FBXO31: variants seen among roughly 807,000 people sequenced by gnomAD.
FBXO31 encodes the protein F-box protein 31, also known as F-box only protein 31.
In FBXO31, 24 loss-of-function variants were observed where a neutral mutation model predicts 54.4. That is an observed-to-expected ratio of 0.44 (90% CI 0.32 to 0.62). The LOEUF is 0.62. FBXO31 is among the 20% of genes least tolerant of loss of function. FBXO31 has a pLI of 0.05. For missense variants in FBXO31, 665 were observed against 787.1 expected (o/e 0.84, Z 1.86); for synonymous variants, 388 against 335.6 (o/e 1.16, Z -1.71).
intron 1 of FBXO31, among the ~76,000 whole-genome samples, chr16:87,364,366 C>T (rs1448706024): frequency 1.3e-5 from 2 of 152,222 alleles, no homozygotes; most frequent in Non-Finnish European, 1.5e-5. Flanking sequence ...CTCTAGTGAG[C>T]GCTGCAGCAG....
chr16:87,375,910 G>A (rs141801331), intron 1 of FBXO31, among the ~76,000 whole-genome samples: 5 of 152,240 alleles, frequency 3.3e-5, no homozygotes, highest in African/African-American at 1.2e-4. Context: ...TGCCCCTGCC[G>A]CCACCCTCAG....
intron 2 of FBXO31, among the ~76,000 whole-genome samples, chr16:87,353,094 T>C (rs1011882242): frequency 2.0e-5 from 3 of 152,190 alleles, no homozygotes; most frequent in African/African-American, 7.2e-5. Flanking sequence ...AGCCGAGGCG[T>C]GGCCAGGGCT....
intron 1 of FBXO31, among the ~76,000 whole-genome samples, chr16:87,375,014 C>A (rs1906760585): frequency 6.6e-6 from 1 of 152,130 alleles, no homozygotes. Flanking sequence ...GAAACCCTGG[C>A]TCTACAAAAA....
intron 1 of FBXO31, among the ~76,000 whole-genome samples, chr16:87,380,449 T>A (rs1907028106): frequency 6.6e-6 from 1 of 152,166 alleles, no homozygotes; most frequent in African/African-American, 2.4e-5. Context: ...TCACCCGGAC[T>A]GGAGTGCAGT....
intron 1 of FBXO31, among the ~76,000 whole-genome samples, chr16:87,370,357 G>T (rs1008359316): frequency 1.1e-4 from 17 of 152,244 alleles, no homozygotes; most frequent in African/African-American, 3.1e-4. Context: ...GGGGACTGCA[G>T]TAAGAAGGCA....
chr16:87,354,697 C>T (rs961967024), intron 2 of FBXO31, among the ~76,000 whole-genome samples: 3 of 151,926 alleles, frequency 2.0e-5, no homozygotes, highest in Non-Finnish European at 4.4e-5. Flanking sequence ...GCCGGGCACA[C>T]TGGCTCACAC....
At chr16:87,357,207 T>C (rs1447287681) in intron 2 of FBXO31, among the ~76,000 whole-genome samples, 1 of 151,408 alleles carries the variant, frequency 6.6e-6, no homozygotes, top group Non-Finnish European at 1.5e-5. Flanking sequence ...ATTGTGCCAC[T>C]GCACTCCAAC....
chr16:87,337,335 C>G (rs1312199200), intron 5 of FBXO31, among the ~76,000 whole-genome samples: 3 of 152,230 alleles, frequency 2.0e-5, no homozygotes, highest in Non-Finnish European at 4.4e-5. Flanking sequence ...TGGGACCCAT[C>G]TTGGCCTCAT....
chr16:87,383,083 C>A lies in FBXO31; in HGVS notation c.340+322G>T, dbSNP rs1236981263. On this transcript the variant is annotated intron_variant, in intron 1 of 8. Transcript: ENST00000311635. The surrounding 1 kb of genome is among the most constrained non-coding windows in gnomAD (Gnocchi z 4.9). ...GAGGGATCCCAGCCCCAGCTCCCGG[C>A]ACGGCCTCGGCCCCGTGGTGTCCCG... Among the ~76,000 whole-genome samples, 5 of 152,126 alleles carry A rather than the reference C, an allele frequency of 3.3e-5. No individual in the cohort carries two copies. The highest frequency in any genetic ancestry group is 6.5e-5 in the Admixed American group (1 of 15,280).
At chr16:87,382,194 C>G (rs138145155) in intron 1 of FBXO31, among the ~76,000 whole-genome samples, 6 of 152,320 alleles carry the variant, frequency 3.9e-5, no homozygotes, top group African/African-American at 1.4e-4. Flanking sequence ...CGAGTCTGTG[C>G]TACATGCAGG....
chr16:87,363,544 A>G (rs187150277), intron 1 of FBXO31, among the ~76,000 whole-genome samples: 3 of 152,368 alleles, frequency 2.0e-5, no homozygotes, highest in Admixed American at 2.0e-4. Context: ...TGATAGAATA[A>G]TAATGAAGAA....
intron 5 of FBXO31, among the ~76,000 whole-genome samples, chr16:87,337,854 G>T (rs1406590265): frequency 6.6e-6 from 1 of 151,656 alleles, no homozygotes; most frequent in Non-Finnish European, 1.5e-5. Context: ...GCCTATCTTT[G>T]CAAACTGAGT....
rs1003317668 is a variant in FBXO31 at position 87,330,883 on chromosome 16, G to A, written c.*405C>T. 2.5e-5 allele frequency: 5 copies of A among 204,062 alleles called. No homozygotes were observed. The highest frequency in any genetic ancestry group is 7.0e-5 in the African/African-American group (3 of 43,094). 12.6% of individuals were successfully genotyped at this position (204,062 alleles called of 1,614,324 possible). A position where few individuals can be genotyped will look rare whatever the true frequency, so the allele number is the denominator to read the frequency against. ...AAAAGGAGTGGGGTGGAGCACATGC[G>A]TCTCACACACGACCCAGTCTATCAC... On this transcript the variant is annotated 3_prime_UTR_variant, in exon 9 of 9. Coordinates refer to ENST00000311635, the MANE Select transcript of FBXO31 (RefSeq NM_024735.5).
chr16:87,383,729 G>T lies in FBXO31; in HGVS notation c.16C>A (p.Arg6Ser). ...CGCGACGGGCCCACGCCGCAAAGGC[G>T]AGCACACACCGCCATGCCGCCCAGT... is the stretch of plus-strand genomic sequence containing the variant. MAVCARLCGVGPSRGC... is the reference protein window; with the variant it reads MAVCASLCGVGPSRGC... The change falls in exon 1 of 9, where the codon CGC becomes AGC. Residue 6 changes from arginine (R) to serine (S), a missense_variant. Coordinates refer to ENST00000311635, the MANE Select transcript of FBXO31 (RefSeq NM_024735.5). The surrounding 1 kb of genome is among the most constrained non-coding windows in gnomAD (Gnocchi z 4.9). 1.6e-6 allele frequency: 2 copies of T among 1,231,878 alleles called. No individual in the cohort carries two copies. Among genetic ancestry groups the T allele is most frequent in the South Asian group, 3.3e-5 (1 of 30,044 alleles). 76.3% of individuals were successfully genotyped at this position (1,231,878 alleles called of 1,614,324 possible). A position where few individuals can be genotyped will look rare whatever the true frequency, so the allele number is the denominator to read the frequency against.
chr16:87,340,842 A>G (rs1905171159), intron 5 of FBXO31, among the ~76,000 whole-genome samples: 1 of 152,180 alleles, frequency 6.6e-6, no homozygotes, highest in Non-Finnish European at 1.5e-5. Flanking sequence ...AAAACACACC[A>G]TAAGAGAAAT....
rs567378936 is a variant in FBXO31 at position 87,382,850 on chromosome 16, G to C, written c.340+555C>G. The stretch of plus-strand genomic sequence containing the variant: ...GGGGTTTTACCATCTTCACCAGGCT[G>C]GTCTCGAACTCCTGACCTCAGGTGA... On this transcript the variant is annotated intron_variant, in intron 1 of 8. Coordinates refer to ENST00000311635, the MANE Select transcript of FBXO31 (RefSeq NM_024735.5). Among the ~76,000 whole-genome samples the C allele has an allele frequency of 1.5e-3, 234 of 152,238 alleles. 1 individual carries two copies. The highest frequency in any genetic ancestry group is 2.2e-3 in the Non-Finnish European group (147 of 68,018).
chr16:87,372,577 T>C (rs1015126533), intron 1 of FBXO31, among the ~76,000 whole-genome samples: 1 of 152,068 alleles, frequency 6.6e-6, no homozygotes. Flanking sequence ...TTTGTTTTTT[T>C]AGAGGTAGAG....
At chr16:87,373,459 AT>A (rs1256146580) in intron 1 of FBXO31, among the ~76,000 whole-genome samples, 7 of 152,130 alleles carry the variant, frequency 4.6e-5, no homozygotes, top group South Asian at 2.1e-4. Flanking sequence ...CTCAAAAAAA[AT>A]AATTATATAT....
In FBXO31 at chr16:87,334,005, C is replaced by G; in HGVS notation, c.1278G>C (p.Glu426Asp). The G allele has an allele frequency of 6.2e-7, 1 of 1,612,824 alleles. No individual in the cohort carries two copies. Reference protein sequence around the residue: ...PDGTPGEDGGEPGDAVAAAEQ... With the variant: ...PDGTPGEDGGDPGDAVAAAEQ... ...CGGCCGCAGCTACGGCATCCCCAGGCTCGCCACCATCCTCACCAGGTGTCC... is the reference window on the plus strand; with the variant it reads ...CGGCCGCAGCTACGGCATCCCCAGGGTCGCCACCATCCTCACCAGGTGTCC... The change falls in exon 8 of 9, where the codon GAG becomes GAC. Residue 426 changes from glutamate to aspartate, a missense_variant. Around this residue, in one of 4 missense-constraint regions of FBXO31, gnomAD observed 165 missense variants for 159.7 expected, o/e 1.03. Coordinates refer to ENST00000311635, the MANE Select transcript of FBXO31 (RefSeq NM_024735.5).
Sources: gnomAD v4.1 joint callset for allele counts (sites outside exome capture counted in the v4.1 genomes callset) on GRCh38, gnomAD v4.1.1 for gene constraint, gnomAD v4.1.1 regional missense constraint, Gnocchi (gnomAD v3.1) non-coding constraint, MANE v1.5 for transcripts, NCBI Gene and HGNC (gene_info 2026-07-23, HGNC 2026-07-21) for gene names.